Variants in NRCAM observed in about 807,000 individuals in gnomAD.
The protein encoded by NRCAM is neuronal cell adhesion molecule, also known as NgCAM-related cell adhesion molecule.
A neutral mutation model predicts 156.5 loss-of-function variants in NRCAM; 83 were observed. That is an observed-to-expected ratio of 0.53 (90% CI 0.44 to 0.64). NRCAM has a LOEUF of 0.64. Among genes scored for constraint, NRCAM ranks in the 30% least tolerant of loss-of-function variants. NRCAM has a pLI of 0.00. For synonymous variants in NRCAM, 538 were observed against 563.9 expected, an observed-to-expected ratio of 0.95 and a Z score of 0.65; for missense variants, 1,417 against 1,597.3, an observed-to-expected ratio of 0.89 and a Z score of 1.92.
chr7:108,310,924 C>G (rs1047167408), intron 3 of NRCAM, among the ~76,000 whole-genome samples: 5 of 152,080 alleles, frequency 3.3e-5, no homozygotes, highest in African/African-American at 1.2e-4. Context: ...ACTTGTTGCT[C>G]TAGAAGACAG....
chr7:108,297,591 A>G (rs1364064665), intron 3 of NRCAM, among the ~76,000 whole-genome samples: 8 of 152,068 alleles, frequency 5.3e-5, no homozygotes, highest in Non-Finnish European at 1.2e-4. Flanking sequence ...CATGCCAGGC[A>G]GTGTTCTTGG....
chr7:108,209,267 T>C lies in NRCAM; in HGVS notation c.1075+154A>G, dbSNP rs529963099. 1.1e-4 allele frequency among the ~76,000 whole-genome samples: 17 copies of C among 152,306 alleles called. 1 individual carries two copies. The East Asian group carries it at 3.1e-3, about 28-fold the overall frequency. On this transcript the variant is annotated intron_variant, in intron 12 of 32. Coordinates refer to ENST00000379028, the MANE Select transcript of NRCAM (RefSeq NM_001037132.4). ...AAGTAAATTTTTAACCTGATTTAGA[T>C]GCACTACCAATAGCAATGAGAAGAG...
At chr7:108,341,536 A>G (rs1315244896) in intron 2 of NRCAM, among the ~76,000 whole-genome samples, 1 of 152,182 alleles carries the variant, frequency 6.6e-6, no homozygotes, top group African/African-American at 2.4e-5. Context: ...TTCTAGCAAA[A>G]GCAGGGGCCA....
chr7:108,193,861 GC>G (rs1310921199), intron 17 of NRCAM, among the ~76,000 whole-genome samples, 162 bp downstream of exon 17: 1 of 152,152 alleles, frequency 6.6e-6, no homozygotes, highest in African/African-American at 2.4e-5. Flanking sequence ...CTTCTTGGGT[GC>G]ATATATTTTA....
chr7:108,406,076 T>C (rs1056253064), intron 1 of NRCAM, among the ~76,000 whole-genome samples: 1 of 151,844 alleles, frequency 6.6e-6, no homozygotes, highest in African/African-American at 2.4e-5. Flanking sequence ...GATAGGACTA[T>C]TCCTGGCCTA....
chr7:108,391,960 C>A (rs2099761613), intron 2 of NRCAM, among the ~76,000 whole-genome samples: 1 of 152,210 alleles, frequency 6.6e-6, no homozygotes, highest in African/African-American at 2.4e-5. Flanking sequence ...GTCTGATGGG[C>A]TTCCCTTTGT....
chr7:108,342,799 C>T (rs2099306698), intron 2 of NRCAM, among the ~76,000 whole-genome samples: 1 of 152,128 alleles, frequency 6.6e-6, no homozygotes, highest in Non-Finnish European at 1.5e-5. Flanking sequence ...TAAAGTAATA[C>T]AGGAAAGAGA....
At chr7:108,335,461 A>ATTTTTTTTTTTTTTTTGTTT (rs2099173387) in intron 2 of NRCAM, among the ~76,000 whole-genome samples, 1 of 25,554 alleles carries the variant, frequency 3.9e-5, no homozygotes, top group African/African-American at 1.5e-4. Flanking sequence ...TTTTTTTTTC[A>ATTTTTTTTTTTTTTTTGTTT]GTTTTCACTG....
At chr7:108,386,697 T>C (rs1214901372) in intron 2 of NRCAM, among the ~76,000 whole-genome samples, 1 of 152,188 alleles carries the variant, frequency 6.6e-6, no homozygotes, top group Non-Finnish European at 1.5e-5. Context: ...AGACCTGTTG[T>C]TATATGTTCA....
intron 3 of NRCAM, among the ~76,000 whole-genome samples, chr7:108,310,802 G>A (rs1592799826): frequency 1.3e-5 from 2 of 152,264 alleles, no homozygotes; most frequent in Non-Finnish European, 2.9e-5. Context: ...AGACATTTTA[G>A]TGGCTCTCAT....
intron 1 of NRCAM, among the ~76,000 whole-genome samples, chr7:108,408,432 T>C (rs1190517969): frequency 6.6e-6 from 1 of 152,234 alleles, no homozygotes; most frequent in African/African-American, 2.4e-5. Flanking sequence ...TCCAGGAGGT[T>C]TTGCTCTATT....
rs997411038 is a variant in NRCAM, at chr7:108,292,274, C to T, written c.-107+20391G>A. Among the ~76,000 whole-genome samples, 65 of 152,120 alleles carry T rather than the reference C, an allele frequency of 4.3e-4. 1 individual carries two copies. The highest frequency in any genetic ancestry group is 3.5e-3 in the Admixed American group (54 of 15,270). On this transcript the variant is annotated intron_variant, in intron 3 of 32. Transcript: ENST00000379028. ...GGTCCCTTTGGGACTGTTTCCTAAT[C>T]GGTAAAATAATATGTCCAAGTTTCT...
At chr7:108,218,949 G>T (rs1443586735) in intron 11 of NRCAM, among the ~76,000 whole-genome samples, 4 of 152,096 alleles carry the variant, frequency 2.6e-5, no homozygotes, top group Non-Finnish European at 4.4e-5. Flanking sequence ...AAATACAATT[G>T]ATAGACCATT....
intron 1 of NRCAM, among the ~76,000 whole-genome samples, chr7:108,411,763 C>T (rs1596995062): frequency 6.6e-6 from 1 of 152,092 alleles, no homozygotes; most frequent in East Asian, 1.9e-4. Context: ...GAACTCCCGA[C>T]CTCGTGATCT....
intron 8 of NRCAM, among the ~76,000 whole-genome samples, chr7:108,230,392 C>G (rs113463274): frequency 0.017 from 2,594 of 152,210 alleles, 75 homozygotes; most frequent in African/African-American, 0.059. Flanking sequence ...CTCTTTTGCC[C>G]GCTATATTCT....
At chr7:108,360,793 G>T (rs1045058125) in intron 2 of NRCAM, among the ~76,000 whole-genome samples, 13 of 152,136 alleles carry the variant, frequency 8.5e-5, no homozygotes, top group African/African-American at 2.9e-4. Context: ...AACCTGCATT[G>T]CAAAAGAATG....
At chr7:108,319,249 C>T (rs2098971070) in intron 2 of NRCAM, among the ~76,000 whole-genome samples, 1 of 152,132 alleles carries the variant, frequency 6.6e-6, no homozygotes, top group South Asian at 2.1e-4. Flanking sequence ...TCAACTTATA[C>T]CCTAAATTCC....
intron 3 of NRCAM, 122 bp downstream of exon 3, chr7:108,312,543 A>G (rs1021970871): frequency 6.6e-6 from 1 of 152,168 alleles, no homozygotes; most frequent in African/African-American, 2.4e-5. Context: ...TCTGTCTTTT[A>G]TCATACTCTC....
intron 1 of NRCAM, among the ~76,000 whole-genome samples, chr7:108,443,879 TATAG>T (rs142458020): frequency 0.025 from 3,680 of 148,220 alleles, 66 homozygotes; most frequent in African/African-American, 0.037. Context: ...AGTATACAGA[TATAG>T]ATAGATAGAT....
Sources: gnomAD v4.1 joint callset for allele counts (sites outside exome capture counted in the v4.1 genomes callset) on GRCh38, gnomAD v4.1.1 for gene constraint, MANE v1.5 for transcripts, NCBI Gene and HGNC (gene_info 2026-07-23, HGNC 2026-07-21) for gene names.